TAFA5: variants seen among roughly 807,000 people sequenced by gnomAD.
The protein encoded by TAFA5 is chemokine-like protein TAFA-5.
Under a neutral mutation model 15.3 loss-of-function variants are expected in TAFA5, and 6 were observed. The observed-to-expected ratio is 0.39, with a 90% CI of 0.21 to 0.77. The LOEUF (loss-of-function observed/expected upper bound fraction) is 0.77, where lower values mean the gene tolerates loss of function less well. Among genes scored for constraint, TAFA5 ranks in the 30% least tolerant of loss-of-function variants. The probability of loss-of-function intolerance (pLI) is 0.41; values close to 1 mark genes in which losing one functional copy is unlikely to be tolerated. For synonymous variants in TAFA5, 103 were observed against 80.7 expected, an observed-to-expected ratio of 1.28 and a Z score of -1.48; for missense variants, 161 against 193.1, an observed-to-expected ratio of 0.83 and a Z score of 0.98.
At chr22:48,637,049 C>T (rs922825840) in intron 1 of TAFA5, among the ~76,000 whole-genome samples, 7 of 152,264 alleles carry the variant, frequency 4.6e-5, no homozygotes, top group Non-Finnish European at 1.0e-4. Flanking sequence ...GGCCCTGGCT[C>T]GGGGCTTCTG....
intron 2 of TAFA5, among the ~76,000 whole-genome samples, chr22:48,697,350 T>TGATGATAATGATGAC (rs1220686678): frequency 2.1e-5 from 3 of 142,766 alleles, no homozygotes; most frequent in Non-Finnish European, 4.7e-5. Flanking sequence ...GTGATGATGA[T>TGATGATAATGATGAC]GATGATGATA....
chr22:48,589,508 A>G (rs1367866384), intron 1 of TAFA5, among the ~76,000 whole-genome samples: 2 of 151,978 alleles, frequency 1.3e-5, no homozygotes, highest in Non-Finnish European at 2.9e-5. Flanking sequence ...CCAAAGACAG[A>G]GCCACCTGGA....
rs1242996491 is a variant in TAFA5 at position 48,598,731 on chromosome 22, C to A, written c.113-47866C>A. 6.6e-6 allele frequency among the ~76,000 whole-genome samples: 1 copy of A among 152,168 alleles called. No individual in the cohort carries two copies. Among genetic ancestry groups the A allele is most frequent in the Non-Finnish European group, 1.5e-5 (1 of 68,034 alleles). ...AATTTAATTCGGTTCTCAGACTACT[C>A]CCCAGAGTTAGCTGAGACCCCACCG... On this transcript the variant is annotated intron_variant, in intron 1 of 3. Coordinates refer to ENST00000402357, the MANE Select transcript of TAFA5 (RefSeq NM_001082967.3). This position sits in a 1 kb window ranked among gnomAD's most constrained non-coding sequence, Gnocchi z 4.0.
chr22:48,494,442 A>C (rs1175002415), intron 1 of TAFA5, among the ~76,000 whole-genome samples: 1 of 152,216 alleles, frequency 6.6e-6, no homozygotes, highest in Admixed American at 6.5e-5. Flanking sequence ...GAATCTGATC[A>C]GGTGGCCGGA....
chr22:48,749,754 C>T (rs891695025), intron 3 of TAFA5, 85 bp from the exon 4 acceptor site: 32 of 1,486,644 alleles, frequency 2.2e-5, no homozygotes, highest in Non-Finnish European at 2.6e-5. Flanking sequence ...TGGCAGGAGC[C>T]GGGGAGGGAA....
At chr22:48,567,577 C>T (rs1369072349) in intron 1 of TAFA5, among the ~76,000 whole-genome samples, 2 of 152,130 alleles carry the variant, frequency 1.3e-5, no homozygotes, top group East Asian at 1.9e-4. Flanking sequence ...GGCTGGCCAG[C>T]GTGGGCAGGT....
intron 1 of TAFA5, among the ~76,000 whole-genome samples, chr22:48,570,829 A>G (rs578011441): frequency 6.6e-6 from 1 of 152,272 alleles, no homozygotes; most frequent in African/African-American, 2.4e-5. Context: ...TATAGCAGAA[A>G]GAAGATTTCT....
At chr22:48,701,979 G>A (rs1377525945) in intron 2 of TAFA5, among the ~76,000 whole-genome samples, 2 of 152,184 alleles carry the variant, frequency 1.3e-5, no homozygotes, top group Non-Finnish European at 2.9e-5. Context: ...GAGGCAGCTT[G>A]AATGTACACA....
intron 1 of TAFA5, among the ~76,000 whole-genome samples, chr22:48,571,575 T>TTTTTTG (rs1923589148): frequency 1.5e-5 from 1 of 64,732 alleles, no homozygotes; most frequent in Admixed American, 1.5e-4. Flanking sequence ...GCCTGGCCTG[T>TTTTTTG]TTTTTTTTTT....
chr22:48,677,592 T>C (rs1340109014), intron 2 of TAFA5, among the ~76,000 whole-genome samples: 1 of 152,176 alleles, frequency 6.6e-6, no homozygotes, highest in Admixed American at 6.5e-5. Flanking sequence ...GCCTCCCTCC[T>C]GGGCCCATCT....
chr22:48,669,672 G>A (rs191698447), intron 2 of TAFA5, among the ~76,000 whole-genome samples: 1 of 152,210 alleles, frequency 6.6e-6, no homozygotes, highest in Non-Finnish European at 1.5e-5. Flanking sequence ...GAGCCAGGGG[G>A]TCTTAAATGA....
intron 1 of TAFA5, chr22:48,576,387 G>A (rs1260976114): frequency 7.3e-6 from 9 of 1,226,204 alleles, no homozygotes; most frequent in African/African-American, 6.3e-5. Context: ...GCGCGAGCGG[G>A]CGGCCGCGGA....
intron 1 of TAFA5, among the ~76,000 whole-genome samples, chr22:48,567,707 G>A (rs1323221422): frequency 2.6e-5 from 4 of 152,168 alleles, no homozygotes; most frequent in African/African-American, 9.6e-5. Context: ...TCCTCCGGGT[G>A]AGCTCGGGAA....
In TAFA5 at chr22:48,699,653, G is replaced by T. The variant is rs909409952; in HGVS notation, c.263-8064G>T. On this transcript the variant is annotated intron_variant, in intron 2 of 3. Transcript: ENST00000402357. ...ATTTAACCCAGAGCTCTCCTGGAAG[G>T]CACTTTTATGAGCGGGTTCCTGATA... Among the ~76,000 whole-genome samples, 5 of 152,314 alleles carry T rather than the reference G, an allele frequency of 3.3e-5. No homozygotes were observed. In the South Asian group the frequency reaches 1.0e-3, roughly 32 times the overall value.
chr22:48,750,740 AC>A lies in TAFA5; in HGVS notation c.*897del, dbSNP rs1305395994. ...CTCCCGTGACTGCTGCCTCATCGAT[AC>A]CCCATTTAGCTCCAGAAAGCAAAGA... On this transcript the variant is annotated 3_prime_UTR_variant, in exon 4 of 4. Transcript: ENST00000402357. The A allele has an allele frequency of 1.3e-5, 2 of 152,866 alleles. No homozygotes were observed. Among genetic ancestry groups the A allele is most frequent in the Non-Finnish European group, 2.9e-5 (2 of 68,122 alleles). 9.5% of individuals were successfully genotyped at this position (152,866 alleles called of 1,614,324 possible).
rs539825350 is a variant in TAFA5, at chr22:48,694,686, C to A, written c.263-13031C>A. On this transcript the variant is annotated intron_variant, in intron 2 of 3. Transcript: ENST00000402357. ...ATCTGATGTTCTCTGTGTCCCCGGG[C>A]CACAGTGCCCTGGCAAGGGCTGACC... 3.3e-3 allele frequency among the ~76,000 whole-genome samples: 504 copies of A among 152,208 alleles called. 3 individuals carry two copies. The highest frequency in any genetic ancestry group is 0.012 in the African/African-American group (479 of 41,546).
chr22:48,715,758 C>G (rs112582988), intron 3 of TAFA5, among the ~76,000 whole-genome samples: 2 of 152,222 alleles, frequency 1.3e-5, no homozygotes, highest in Non-Finnish European at 2.9e-5. Flanking sequence ...GCCTGGCCAG[C>G]AAGCCTGCCC....
At chr22:48,585,053 AC>A (rs1460348439) in intron 1 of TAFA5, among the ~76,000 whole-genome samples, 1 of 510 alleles carries the variant, frequency 2.0e-3, no homozygotes, top group African/African-American at 7.4e-3. Flanking sequence ...CACACCACTC[AC>A]AAAAACATCA....
At chr22:48,596,380 G>C (rs560543110) in intron 1 of TAFA5, among the ~76,000 whole-genome samples, 2 of 152,336 alleles carry the variant, frequency 1.3e-5, no homozygotes, top group African/African-American at 4.8e-5. Flanking sequence ...CCCCCTCCCG[G>C]TGTGGTCCTC....
Sources: allele counts gnomAD v4.1 joint callset (sites outside exome capture counted in the v4.1 genomes callset), GRCh38; gene constraint gnomAD v4.1.1; non-coding constraint Gnocchi (gnomAD v3.1); transcripts MANE v1.5; gene names NCBI Gene and HGNC (gene_info 2026-07-23, HGNC 2026-07-21).